Variants in ANO2 observed in about 807,000 individuals in gnomAD.
ANO2 encodes the protein anoctamin-2.
A neutral mutation model predicts 124.2 loss-of-function variants in ANO2; 101 were observed. The ratio of observed to expected loss-of-function variants is 0.81; its 90% confidence interval spans 0.69 to 0.96. The LOEUF is 0.96. Ranked by LOEUF, ANO2 falls within the 40% of genes least tolerant of loss-of-function variation. The probability of loss-of-function intolerance (pLI) is 0.00; values close to 1 mark genes in which losing one functional copy is unlikely to be tolerated. For missense variants in ANO2, 1,293 were observed against 1,274.5 expected (o/e 1.01, Z -0.22); for synonymous variants, 486 against 482.5 (o/e 1.01, Z -0.09).
At chr12:5,936,618 TAA>T (rs1323373955) in intron 1 of ANO2, among the ~76,000 whole-genome samples, 2 of 152,214 alleles carry the variant, frequency 1.3e-5, no homozygotes, top group African/African-American at 2.4e-5. Context: ...CTGTGCTTTA[TAA>T]ACAAGCCAGT....
At chr12:5,669,353 G>T (rs1265964471) in intron 14 of ANO2, among the ~76,000 whole-genome samples, 2 of 151,880 alleles carry the variant, frequency 1.3e-5, no homozygotes, top group South Asian at 2.1e-4. Context: ...TCTGTTGTTG[G>T]TGTATAGGAA....
chr12:5,946,219 GAGA>G (rs1418687064), upstream of ANO2: 23 of 1,599,606 alleles, frequency 1.4e-5, no homozygotes, highest in Non-Finnish European at 2.0e-5. This position sits in a 1 kb window ranked among gnomAD's most constrained non-coding sequence, Gnocchi z 4.1. Flanking sequence ...CCACTTTATA[GAGA>G]AGGAGCCTGG....
chr12:5,578,877 T>G (rs1022817618), intron 20 of ANO2, among the ~76,000 whole-genome samples: 1 of 152,236 alleles, frequency 6.6e-6, no homozygotes. Flanking sequence ...ATAAACATTT[T>G]TGGATTTGCA....
intron 3 of ANO2, among the ~76,000 whole-genome samples, chr12:5,906,347 TAAA>T (rs751453765): frequency 1.4e-4 from 18 of 132,708 alleles, no homozygotes; most frequent in African/African-American, 3.5e-4. Context: ...CACACATTGT[TAAA>T]AAAAAAAAAA....
chr12:5,605,096 G>A (rs781482462), intron 19 of ANO2, among the ~76,000 whole-genome samples: 3 of 152,090 alleles, frequency 2.0e-5, no homozygotes, highest in Non-Finnish European at 4.4e-5. Context: ...CCCTACAGAC[G>A]TGGCTCCACA....
chr12:5,720,530 C>T (rs1351896528), intron 14 of ANO2, among the ~76,000 whole-genome samples: 1 of 152,182 alleles, frequency 6.6e-6, no homozygotes, highest in Non-Finnish European at 1.5e-5. Context: ...AAAGAAAAGT[C>T]CAAACTACAA....
intron 6 of ANO2, among the ~76,000 whole-genome samples, chr12:5,828,317 A>G (rs1204495198): frequency 6.6e-6 from 1 of 152,092 alleles, no homozygotes; most frequent in African/African-American, 2.4e-5. Context: ...GTGGTAGCAG[A>G]AAGCTCCGAA....
chr12:5,945,435 G>A (rs1408247321), upstream of ANO2, among the ~76,000 whole-genome samples: 1 of 152,146 alleles, frequency 6.6e-6, no homozygotes, highest in Non-Finnish European at 1.5e-5. Context: ...TGGGAGCGGG[G>A]CGTCGAGAAT....
At chr12:5,918,879 C>G (rs1016532281) in intron 3 of ANO2, among the ~76,000 whole-genome samples, 1 of 152,158 alleles carries the variant, frequency 6.6e-6, no homozygotes, top group Non-Finnish European at 1.5e-5. Context: ...ATTGCTCCAT[C>G]TAATGATGAG....
chr12:5,812,315 G>C, intron 7 of ANO2, among the ~76,000 whole-genome samples: 1 of 119,274 alleles, frequency 8.4e-6, no homozygotes, highest in African/African-American at 3.1e-5. Context: ...GAGGAAGGAA[G>C]GAAGGGAGGG....
At chr12:5,725,381 G>A (rs1477035670) in intron 14 of ANO2, among the ~76,000 whole-genome samples, 1 of 152,096 alleles carries the variant, frequency 6.6e-6, no homozygotes, top group Non-Finnish European at 1.5e-5. Context: ...GACCCCACTT[G>A]TAAATGATTT....
intron 16 of ANO2, among the ~76,000 whole-genome samples, chr12:5,626,842 T>C (rs549462769): frequency 6.6e-5 from 10 of 152,242 alleles, no homozygotes; most frequent in African/African-American, 1.7e-4. Context: ...AATTCCCTAG[T>C]GAGGGAGAAA....
chr12:5,838,959 G>A (rs1336049794), intron 4 of ANO2, among the ~76,000 whole-genome samples: 1 of 152,214 alleles, frequency 6.6e-6, no homozygotes, highest in Admixed American at 6.5e-5. Context: ...GGGAAAACAA[G>A]GGAAACTCTA....
At chr12:5,569,055 C>T (rs573746610) in intron 23 of ANO2, among the ~76,000 whole-genome samples, 9 of 152,362 alleles carry the variant, frequency 5.9e-5, no homozygotes, top group Admixed American at 2.0e-4. Context: ...ATGTAGATCA[C>T]GGCTTCCAGT....
In ANO2 at chr12:5,639,266, C is replaced by T. The variant is rs546145668; in HGVS notation, c.1621-3919G>A. On this transcript the variant is annotated intron_variant, in intron 15 of 24. Transcript: ENST00000682330. ...GTATAAAAATACAGGCACGCGCACA[C>T]ACTAGCAACTTCATCATCGACATAG... Among the ~76,000 whole-genome samples, 4 of 152,288 alleles carry T rather than the reference C, an allele frequency of 2.6e-5. No homozygotes were observed. In the South Asian group the frequency reaches 6.2e-4, roughly 24 times the overall value.
chr12:5,723,654 G>A (rs1333323444), intron 14 of ANO2, among the ~76,000 whole-genome samples: 2 of 152,138 alleles, frequency 1.3e-5, no homozygotes, highest in Non-Finnish European at 1.5e-5. Flanking sequence ...GAAAGAAAGA[G>A]AGAGAGAGGA....
At chr12:5,897,372 G>C (rs1230437089) in intron 3 of ANO2, among the ~76,000 whole-genome samples, 1 of 152,142 alleles carries the variant, frequency 6.6e-6, no homozygotes, top group Non-Finnish European at 1.5e-5. Flanking sequence ...GCACCTACTA[G>C]AAACCCTGGC....
chr12:5,671,623 G>A (rs1469181606), intron 14 of ANO2, among the ~76,000 whole-genome samples: 1 of 152,128 alleles, frequency 6.6e-6, no homozygotes, highest in South Asian at 2.1e-4. Flanking sequence ...ATGCCCATCT[G>A]CAGCTCTGGG....
chr12:5,845,782 G>T (rs1327575511), intron 4 of ANO2, among the ~76,000 whole-genome samples: 9 of 152,104 alleles, frequency 5.9e-5, no homozygotes, highest in Non-Finnish European at 1.3e-4. Context: ...CCTTGGATAA[G>T]TTTATTAACC....
Sources: gnomAD v4.1 joint callset for allele counts (sites outside exome capture counted in the v4.1 genomes callset) on GRCh38, gnomAD v4.1.1 for gene constraint, Gnocchi (gnomAD v3.1) non-coding constraint, MANE v1.5 for transcripts, NCBI Gene and HGNC (gene_info 2026-07-23, HGNC 2026-07-21) for gene names.